Variants in UNC79 observed in about 807,000 individuals in gnomAD.
UNC79 encodes protein unc-79 homolog.
A neutral mutation model predicts 283.1 loss-of-function variants in UNC79; 37 were observed. The observed-to-expected ratio is 0.13, with a 90% CI of 0.10 to 0.17. UNC79 has a LOEUF of 0.17. Ranked by LOEUF, UNC79 falls within the 10% of genes least tolerant of loss-of-function variation. The pLI, the probability that UNC79 is intolerant of heterozygous loss-of-function variation, is 1.00. For missense variants in UNC79, 2,272 were observed against 3,211.1 expected (o/e 0.71, Z 7.07); for synonymous variants, 1,107 against 1,200.2 (o/e 0.92, Z 1.61).
intron 23 of UNC79, among the ~76,000 whole-genome samples, chr14:93,594,752 C>G (rs2064943714): frequency 6.6e-6 from 1 of 152,012 alleles, no homozygotes; most frequent in Non-Finnish European, 1.5e-5. Context: ...TGTCTGCTGG[C>G]CCACTCTCAC....
At chr14:93,682,644 C>G in exon 42 of UNC79, 2 of 1,613,982 alleles carry the variant, frequency 1.2e-6, no homozygotes, top group African/African-American at 1.3e-5. Flanking sequence ...TGGAACCAAA[C>G]TAGCTGAGTC....
chr14:93,375,902 T>C (rs1419349682), intron 1 of UNC79, among the ~76,000 whole-genome samples: 1 of 152,066 alleles, frequency 6.6e-6, no homozygotes, highest in Non-Finnish European at 1.5e-5. Context: ...CAATGAGTCA[T>C]CGGGAGTGGG....
At chr14:93,623,511 A>G (rs2067297250) in intron 30 of UNC79, among the ~76,000 whole-genome samples, 1 of 152,244 alleles carries the variant, frequency 6.6e-6, no homozygotes, top group Non-Finnish European at 1.5e-5. Context: ...TGGCAAGCCC[A>G]TGATCCACCT....
chr14:93,626,473 A>G (rs762811188), intron 30 of UNC79, among the ~76,000 whole-genome samples: 21 of 151,826 alleles, frequency 1.4e-4, no homozygotes, highest in Non-Finnish European at 2.6e-4. Flanking sequence ...TTCCTAAAGG[A>G]CCCTTGATTT....
intron 38 of UNC79, among the ~76,000 whole-genome samples, chr14:93,656,983 C>G (rs778194685): frequency 6.6e-6 from 1 of 152,192 alleles, no homozygotes; most frequent in Non-Finnish European, 1.5e-5. Flanking sequence ...TATGCTAATA[C>G]ATTTTTCCAA....
intron 20 of UNC79, among the ~76,000 whole-genome samples, chr14:93,586,173 G>A (rs945818715): frequency 2.0e-5 from 3 of 152,186 alleles, no homozygotes; most frequent in African/African-American, 2.4e-5. Context: ...GAGCCACCGC[G>A]CCCATCCAAA....
intron 1 of UNC79, among the ~76,000 whole-genome samples, chr14:93,342,433 C>T (rs145731381): frequency 5.6e-4 from 86 of 152,328 alleles, no homozygotes; most frequent in East Asian, 3.1e-3. Context: ...GGGCCCACCC[C>T]ATGAAGCCAT....
At chr14:93,404,972 A>G (rs2055197092) in intron 1 of UNC79, among the ~76,000 whole-genome samples, 1 of 152,128 alleles carries the variant, frequency 6.6e-6, no homozygotes, top group African/African-American at 2.4e-5. Context: ...TGAGGCTGCA[A>G]TATATTAATT....
chr14:93,351,233 G>A (rs913179725), intron 1 of UNC79, among the ~76,000 whole-genome samples: 8 of 152,024 alleles, frequency 5.3e-5, no homozygotes, highest in East Asian at 1.9e-4. Flanking sequence ...TATTATATTC[G>A]TAGGTTTTTG....
At chr14:93,618,503 G>T (rs936192219) in intron 29 of UNC79, 149 bp downstream of exon 30, 5 of 925,322 alleles carry the variant, frequency 5.4e-6, no homozygotes, top group Non-Finnish European at 6.0e-6. Flanking sequence ...TTCCATGAAT[G>T]TTGCTGCTTT....
At chr14:93,622,445 G>A in exon 30 of UNC79, 3 of 1,614,100 alleles carry the variant, frequency 1.9e-6, no homozygotes, top group South Asian at 1.1e-5. Context: ...GTTCTCCTGC[G>A]GTAGCCCACT....
intron 47 of UNC79, among the ~76,000 whole-genome samples, chr14:93,704,021 C>T (rs2141084812): frequency 6.6e-6 from 1 of 152,326 alleles, no homozygotes; most frequent in South Asian, 2.1e-4. Context: ...GGAAGGACCA[C>T]ATCAGAGGGG....
At chr14:93,540,590 C>A in intron 12 of UNC79, 70 bp from the exon 13 acceptor site, 1 of 1,547,764 alleles carries the variant, frequency 6.5e-7, no homozygotes, top group Non-Finnish European at 8.7e-7. Context: ...GAGGTACTTC[C>A]TCTGAATGGG....
rs376889164 is a variant in UNC79, at chr14:93,500,321, T to C, written c.898+3035T>C. 7.4e-3 allele frequency among the ~76,000 whole-genome samples: 1,125 copies of C among 152,332 alleles called. 9 individuals carry two copies. Among genetic ancestry groups the C allele is most frequent in the Non-Finnish European group, 0.012 (823 of 68,024 alleles). Reference sequence around the variant, plus strand: ...TCTTCAGTCCATCCTTGCAATGATATGGTCATGCTTCCATTCTTTCAGCAG... The same window carrying C: ...TCTTCAGTCCATCCTTGCAATGATACGGTCATGCTTCCATTCTTTCAGCAG... On this transcript the variant is annotated intron_variant, in intron 7 of 48. Coordinates refer to ENST00000555664, the Ensembl canonical transcript of UNC79.
chr14:93,558,817 G>A (rs993416874), intron 14 of UNC79, among the ~76,000 whole-genome samples: 8 of 151,800 alleles, frequency 5.3e-5, no homozygotes, highest in African/African-American at 1.2e-4. Context: ...GCCAAGCTGC[G>A]TTATAATAGA....
chr14:93,557,137 A>G (rs1323429750), intron 14 of UNC79, among the ~76,000 whole-genome samples: 1 of 152,238 alleles, frequency 6.6e-6, no homozygotes, highest in Admixed American at 6.5e-5. Flanking sequence ...AGCCATGTCT[A>G]TGTAAGTGTG....
At position 93,690,004 on chromosome 14, in the gene UNC79, T is replaced by C. The variant is rs1183316881; in HGVS notation, c.7086-113T>C. On this transcript the variant is annotated intron_variant, in intron 44 of 48. Coordinates refer to ENST00000555664, the Ensembl canonical transcript of UNC79. This position sits in a 1 kb window ranked among gnomAD's most constrained non-coding sequence, Gnocchi z 4.3. ...TCAATTGCCTTGGCGTTTTGTTTTA[T>C]GTGATTGCCTGCAAGACCACACTTT... is the stretch of plus-strand genomic sequence containing the variant. The C allele has an allele frequency of 1.7e-6, 2 of 1,205,246 alleles. No individual in the cohort carries two copies. The highest frequency in any genetic ancestry group is 3.0e-5 in the African/African-American group (2 of 66,052). 74.7% of individuals were successfully genotyped at this position (1,205,246 alleles called of 1,614,324 possible). A position where few individuals can be genotyped will look rare whatever the true frequency, so the allele number is the denominator to read the frequency against.
chr14:93,448,702 A>G (rs184021368), intron 1 of UNC79, among the ~76,000 whole-genome samples: 132 of 152,280 alleles, frequency 8.7e-4, no homozygotes, highest in African/African-American at 3.1e-3. Context: ...TGGAATTGCA[A>G]ACTCTGTTCT....
intron 25 of UNC79, 127 bp from the exon 26 acceptor site, chr14:93,603,112 G>C (rs1269189975): frequency 9.1e-7 from 1 of 1,098,640 alleles, no homozygotes; most frequent in African/African-American, 1.6e-5. Flanking sequence ...ATCATAGAGG[G>C]AGATGTATAT....
Sources: allele counts gnomAD v4.1 joint callset (sites outside exome capture counted in the v4.1 genomes callset), GRCh38; gene constraint gnomAD v4.1.1; non-coding constraint Gnocchi (gnomAD v3.1); transcripts MANE v1.5; gene names NCBI Gene and HGNC (gene_info 2026-07-23, HGNC 2026-07-21).